Variants in CTNND2 observed in about 807,000 individuals in gnomAD.
The protein encoded by CTNND2 is catenin delta 2, also known as catenin delta-2.
A neutral mutation model predicts 144.4 loss-of-function variants in CTNND2; 22 were observed. That is an observed-to-expected ratio of 0.15 (90% CI 0.11 to 0.22). The LOEUF is 0.22. Ranked by LOEUF, CTNND2 falls within the 10% of genes least tolerant of loss-of-function variation. The pLI is 1.00. For missense variants in CTNND2, 1,353 were observed against 1,618.8 expected, an observed-to-expected ratio of 0.84 and a Z score of 2.82; for synonymous variants, 751 against 695.6, an observed-to-expected ratio of 1.08 and a Z score of -1.25.
In CTNND2 at chr5:11,346,520, C is replaced by A. The variant is rs34001856; in HGVS notation, c.1480G>T (p.Gly494Cys). 17 of 1,605,424 alleles carry A rather than the reference C, an allele frequency of 1.1e-5. No homozygotes were observed. Among genetic ancestry groups the A allele is most frequent in the Non-Finnish European group, 1.4e-5 (17 of 1,176,354 alleles). The change falls in exon 9 of 22, where the codon GGC (glycine) becomes TGC (cysteine). Residue 494 changes from glycine to cysteine, a missense_variant. This residue lies in a region of CTNND2 where 708 missense variants were observed against 706.4 expected (regional missense o/e 1.00). Coordinates refer to ENST00000304623, the MANE Select transcript of CTNND2 (RefSeq NM_001332.4). The part of the protein sequence containing the change: ...ATFQRASYAA[G>C]PASNYADPYR... The stretch of plus-strand genomic sequence containing the variant: ...GGGTCCGCGTAATTGGAGGCTGGGC[C>A]GGCGGCATAGCTGGCCCTCTGGAAG...
intron 1 of CTNND2, among the ~76,000 whole-genome samples, chr5:11,810,994 A>G (rs903931816): frequency 6.6e-6 from 1 of 152,148 alleles, no homozygotes; most frequent in Non-Finnish European, 1.5e-5. Context: ...AGACATACTT[A>G]TTCCACATTA....
chr5:11,844,282 C>T (rs1037994507), intron 1 of CTNND2, among the ~76,000 whole-genome samples: 20 of 151,928 alleles, frequency 1.3e-4, no homozygotes, highest in African/African-American at 4.8e-4. Flanking sequence ...GTAATAGCTC[C>T]CTGAAGACCT....
At chr5:11,445,246 T>C (rs1764696938) in intron 3 of CTNND2, among the ~76,000 whole-genome samples, 1 of 152,160 alleles carries the variant, frequency 6.6e-6, no homozygotes, top group Admixed American at 6.5e-5. Flanking sequence ...TGTCATTACC[T>C]GGTGTTCTCC....
chr5:11,864,364 C>A (rs1385611447), intron 1 of CTNND2, among the ~76,000 whole-genome samples: 8 of 152,208 alleles, frequency 5.3e-5, no homozygotes, highest in Non-Finnish European at 8.8e-5. Flanking sequence ...CCACAATAAG[C>A]AGATGCGAAA....
intron 3 of CTNND2, among the ~76,000 whole-genome samples, chr5:11,522,163 G>A (rs1772786395): frequency 6.6e-6 from 1 of 152,188 alleles, no homozygotes; most frequent in East Asian, 1.9e-4. Context: ...ATTTAATTTG[G>A]TCACTTAACA....
chr5:11,121,505 A>G (rs907299700), intron 12 of CTNND2, among the ~76,000 whole-genome samples: 1 of 152,226 alleles, frequency 6.6e-6, no homozygotes, highest in African/African-American at 2.4e-5. Flanking sequence ...CTGAATTGTC[A>G]GTTGCTATGT....
At chr5:11,401,684 C>T (rs747796920) in intron 5 of CTNND2, among the ~76,000 whole-genome samples, 2 of 152,142 alleles carry the variant, frequency 1.3e-5, no homozygotes, top group African/African-American at 4.8e-5. Flanking sequence ...GACATCTAAG[C>T]GAGGAAGGTA....
intron 11 of CTNND2, among the ~76,000 whole-genome samples, chr5:11,184,842 G>T (rs542733992): frequency 6.6e-6 from 1 of 152,268 alleles, no homozygotes; most frequent in East Asian, 1.9e-4. Context: ...ACTTCTAGAA[G>T]AATTGTAGAT....
chr5:11,378,917 T>C (rs1758208673), intron 7 of CTNND2, among the ~76,000 whole-genome samples: 1 of 152,160 alleles, frequency 6.6e-6, no homozygotes, highest in South Asian at 2.1e-4. Flanking sequence ...TTATGTCCAT[T>C]TGACTGGGGG....
intron 9 of CTNND2, among the ~76,000 whole-genome samples, chr5:11,323,240 G>T (rs1561217580): frequency 7.0e-6 from 1 of 143,634 alleles, no homozygotes; most frequent in East Asian, 2.3e-4. Flanking sequence ...TTGGGGGGGG[G>T]GGTCTCACTA....
At chr5:11,768,534 G>A (rs1789732684) in intron 1 of CTNND2, among the ~76,000 whole-genome samples, 2 of 152,042 alleles carry the variant, frequency 1.3e-5, no homozygotes, top group African/African-American at 2.4e-5. Context: ...CATGTGATCG[G>A]CCCACCTTGG....
At chr5:11,247,701 T>G (rs1421381528) in intron 9 of CTNND2, among the ~76,000 whole-genome samples, 1 of 152,224 alleles carries the variant, frequency 6.6e-6, no homozygotes, top group Non-Finnish European at 1.5e-5. Flanking sequence ...TTTATGCTAA[T>G]AGTTATCAAA....
chr5:11,454,442 T>C (rs1393728002), intron 3 of CTNND2, among the ~76,000 whole-genome samples: 1 of 151,986 alleles, frequency 6.6e-6, no homozygotes, highest in East Asian at 1.9e-4. Context: ...AAGTAAATAA[T>C]AAAAAATTAA....
intron 9 of CTNND2, among the ~76,000 whole-genome samples, chr5:11,339,581 C>A (rs1467030854): frequency 6.6e-6 from 1 of 152,148 alleles, no homozygotes; most frequent in East Asian, 1.9e-4. Context: ...ATGGCAGCCA[C>A]TATGGTCTGA....
intron 2 of CTNND2, among the ~76,000 whole-genome samples, chr5:11,684,626 C>T (rs897323290): frequency 2.0e-5 from 3 of 152,186 alleles, no homozygotes; most frequent in African/African-American, 7.2e-5. Flanking sequence ...ACAGTTAGTA[C>T]ATGTACTGTG....
intron 9 of CTNND2, among the ~76,000 whole-genome samples, chr5:11,265,459 G>T (rs1429572961): frequency 6.6e-6 from 1 of 152,170 alleles, no homozygotes; most frequent in East Asian, 1.9e-4. Flanking sequence ...TTGCAGGATG[G>T]TCCCACCCTC....
At chr5:11,005,208 G>A (rs1740354539) in intron 18 of CTNND2, among the ~76,000 whole-genome samples, 1 of 152,228 alleles carries the variant, frequency 6.6e-6, no homozygotes, top group African/African-American at 2.4e-5. Flanking sequence ...CCAAGGCTCT[G>A]AGGTGGAAAC....
intron 11 of CTNND2, among the ~76,000 whole-genome samples, chr5:11,179,030 A>G (rs919481150): frequency 5.3e-5 from 8 of 152,136 alleles, no homozygotes; most frequent in Admixed American, 4.6e-4. Context: ...TGAGCAGATA[A>G]TTTTTCATAG....
chr5:11,136,741 T>C (rs1756191317), intron 12 of CTNND2, among the ~76,000 whole-genome samples: 2 of 152,210 alleles, frequency 1.3e-5, no homozygotes, highest in Admixed American at 1.3e-4. Context: ...TCTAGGGAAG[T>C]CTCATGTAGC....
Sources: gnomAD v4.1 joint callset for allele counts (sites outside exome capture counted in the v4.1 genomes callset) on GRCh38, gnomAD v4.1.1 for gene constraint, gnomAD v4.1.1 regional missense constraint, MANE v1.5 for transcripts, NCBI Gene and HGNC (gene_info 2026-07-23, HGNC 2026-07-21) for gene names.